The following FN1 variants were observed in gnomAD, a reference collection of about 807,000 sequenced individuals.
FN1 encodes fibronectin.
A neutral mutation model predicts 297.3 loss-of-function variants in FN1; 106 were observed. That is an observed-to-expected ratio of 0.36 (90% CI 0.30 to 0.42). The LOEUF (loss-of-function observed/expected upper bound fraction) is 0.42, where lower values mean the gene tolerates loss of function less well. FN1 is among the 10% of genes least tolerant of loss of function. The pLI is 1.00. For missense variants in FN1, 2,690 were observed against 3,124.9 expected (o/e 0.86, Z 3.32); for synonymous variants, 1,149 against 1,152.6 (o/e 1.00, Z 0.06).
Position 215,382,236 on chromosome 2 carries a change from G to A in FN1, c.5140C>T (p.Pro1714Ser). The change falls in exon 32 of 46, where the codon CCT becomes TCT. Residue 1714 changes from proline (P) to serine (S), a missense_variant. This residue lies in a region of FN1 where 1,743 missense variants were observed against 1,945.2 expected (regional missense o/e 0.90). Transcript: ENST00000354785. Reference protein sequence around the residue: ...YAQNPSGESQPLVQTAVTNID... With the variant: ...YAQNPSGESQSLVQTAVTNID... ...CTGGTTACTGCAGTCTGAACCAGAG[G>A]CTGACTCTCTCCGCTTGGATTCTGA... is the stretch of plus-strand genomic sequence containing the variant. 6.2e-7 allele frequency: 1 copy of A among 1,613,262 alleles called. No homozygotes were observed. The highest frequency in any genetic ancestry group is 8.5e-7 in the Non-Finnish European group (1 of 1,179,206).
At chr2:215,362,897 GAGTC>G (rs1459502444) in intron 44 of FN1, 4 of 152,452 alleles carry the variant, frequency 2.6e-5, no homozygotes, top group Non-Finnish European at 1.5e-5. Flanking sequence ...GAGCAAGAGG[GAGTC>G]CGGGCGCCAT....
intron 43 of FN1, among the ~76,000 whole-genome samples, chr2:215,365,289 G>T (rs2054303117): frequency 6.6e-6 from 1 of 152,102 alleles, no homozygotes; most frequent in African/African-American, 2.4e-5. Context: ...AAAATACTCA[G>T]GTTGGACAAG....
At chr2:215,362,348 C>A (rs186473709) in intron 44 of FN1, 257 of 459,822 alleles carry the variant, frequency 5.6e-4, no homozygotes, top group Non-Finnish European at 8.8e-4. Context: ...CCTTGCCCAT[C>A]TGCTGAGGCT....
At chr2:215,433,693 T>C (rs2066936706) in intron 2 of FN1, among the ~76,000 whole-genome samples, 1 of 152,230 alleles carries the variant, frequency 6.6e-6, no homozygotes, top group Admixed American at 6.5e-5. Flanking sequence ...TGTAGAAAAA[T>C]CTCAGGCTCT....
chr2:215,411,946 C>T (rs538606014), intron 13 of FN1, among the ~76,000 whole-genome samples: 2 of 152,198 alleles, frequency 1.3e-5, no homozygotes, highest in Non-Finnish European at 2.9e-5. Context: ...GGATTACAGG[C>T]GTGAGCCACT....
chr2:215,428,231 G>C lies in FN1; in HGVS notation c.793C>G (p.Arg265Gly), dbSNP rs778648309. The C allele has an allele frequency of 1.2e-6, 2 of 1,614,108 alleles. No homozygotes were observed. The highest frequency in any genetic ancestry group is 1.7e-5 in the Admixed American group (1 of 60,024). The change falls in exon 6 of 46, where the codon CGA becomes GGA. Residue 265 changes from arginine to glycine, a missense_variant. Transcript: ENST00000354785. ...TGCCTCTCACACTTCCACTCTCCTC[G>C]GCCGTTGCCTGTGCAGATGCACTGG... ...LLQCICTGNG[R>G]GEWKCERHTS... is the part of the protein sequence containing the mutation.
At chr2:215,424,421 G>A in intron 7 of FN1, 96 bp from the exon 8 acceptor site, 1 of 980,024 alleles carries the variant, frequency 1.0e-6, no homozygotes. Flanking sequence ...CTGAGCTTGT[G>A]CCCTCAAAGG....
chr2:215,428,483 A>G, intron 5 of FN1, 145 bp from the exon 6 acceptor site: 6 of 743,284 alleles, frequency 8.1e-6, no homozygotes, highest in Non-Finnish European at 1.4e-5. Flanking sequence ...AAGGTATTAC[A>G]CTTCTGAAAG....
rs749775069 is a variant in FN1, at chr2:215,422,188, C to T, written c.1449G>A (p.Gln483=). Residue 483 remains glutamine, a synonymous_variant, in exon 10 of 46, where the codon CAG becomes CAA. Coordinates refer to ENST00000354785, the MANE Select transcript of FN1 (RefSeq NM_212482.4). ...GACCCATGTCATGCTGCTTATCCCA[C>T]TGATCTCCAATGCGGTACATGACCC... ...NEGVMYRIGD[Q]WDKQHDMGHM... The T allele has an allele frequency of 6.8e-6, 11 of 1,614,176 alleles. No individual in the cohort carries two copies. The highest frequency in any genetic ancestry group is 6.8e-6 in the Non-Finnish European group (8 of 1,179,978).
In FN1 at chr2:215,407,171, G is replaced by A. The variant is rs1432220818; in HGVS notation, c.2669C>T (p.Thr890Ile). 1 of 1,614,132 alleles carries A rather than the reference G, an allele frequency of 6.2e-7. No homozygotes were observed. The highest frequency in any genetic ancestry group is 1.7e-5 in the Admixed American group (1 of 60,022). ...GGTTTCTTGTTGAATGACAACAGGT[G>A]TACTTTCTTGATTTTCTTCCACAGC... ...IYAVEENQES[T>I]PVVIQQETTG... is the part of the protein sequence containing the mutation. Residue 890 changes from threonine to isoleucine, a missense_variant, in exon 18 of 46, where the codon ACA becomes ATA. Thr to Ile is a moderately conservative substitution (Grantham distance 89). This residue lies in a region of FN1 where 71 missense variants were observed against 121.7 expected (regional missense o/e 0.58). Transcript: ENST00000354785.
chr2:215,377,510 T>C (rs2057515733), intron 35 of FN1, among the ~76,000 whole-genome samples: 1 of 151,910 alleles, frequency 6.6e-6, no homozygotes, highest in South Asian at 2.1e-4. Context: ...GCCACAGCCA[T>C]GTGATGTGCC....
intron 15 of FN1, among the ~76,000 whole-genome samples, chr2:215,408,684 C>T (rs1392654468): frequency 2.0e-5 from 3 of 152,134 alleles, no homozygotes; most frequent in Non-Finnish European, 4.4e-5. Context: ...TCTTCTGCCT[C>T]GGCCTCCCGA....
At chr2:215,392,772 T>G in intron 25 of FN1, 159 bp downstream of exon 25, 1 of 749,780 alleles carries the variant, frequency 1.3e-6, no homozygotes, top group South Asian at 1.6e-5. Context: ...TCCAATCAGT[T>G]TAGCAGATGC....
intron 18 of FN1, 26 bp downstream of exon 18, chr2:215,407,101 A>T: frequency 6.5e-7 from 1 of 1,549,110 alleles, no homozygotes; most frequent in Non-Finnish European, 8.9e-7. Flanking sequence ...AAGATAACAT[A>T]GGAAGTGTCT....
At chr2:215,424,380 G>C in intron 7 of FN1, 55 bp from the exon 8 acceptor site, 2 of 1,448,410 alleles carry the variant, frequency 1.4e-6, no homozygotes, top group Non-Finnish European at 1.9e-6. Context: ...TCTCCCACCA[G>C]CAGCTGCTTA....
At chr2:215,412,971 T>C (rs566295046) in intron 13 of FN1, among the ~76,000 whole-genome samples, 2 of 152,142 alleles carry the variant, frequency 1.3e-5, no homozygotes, top group Non-Finnish European at 2.9e-5. Flanking sequence ...TAGAAATACA[T>C]TCTTTTCAAT....
At chr2:215,364,627 A>T in intron 44 of FN1, 1 of 565,514 alleles carries the variant, frequency 1.8e-6, no homozygotes, top group Non-Finnish European at 3.2e-6. Flanking sequence ...ATGACTCAAG[A>T]CTTGTGTTTT....
At chr2:215,378,994 T>C (rs968614821) in intron 34 of FN1, 136 bp downstream of exon 34, 2 of 884,836 alleles carry the variant, frequency 2.3e-6, no homozygotes, top group Admixed American at 4.2e-5. Flanking sequence ...TCCGTTGATA[T>C]AAAATTACAA....
rs749447122 is a variant in FN1, at chr2:215,428,263, T to C, written c.761A>G (p.Asn254Ser). Reference protein sequence around the residue: ...DTWSKKDNRGNLLQCICTGNG... With the variant: ...DTWSKKDNRGSLLQCICTGNG... ...GCCTGTGCAGATGCACTGGAGCAGG[T>C]TTCCTCGATTATCCTTCTTGCTCCA... Residue 254 changes from asparagine to serine, a missense_variant, in exon 6 of 46, where the codon AAC becomes AGC. Physicochemically the swap from Asn to Ser is conservative, Grantham distance 46 (BLOSUM62 1). Coordinates refer to ENST00000354785, the MANE Select transcript of FN1 (RefSeq NM_212482.4). 6.2e-7 allele frequency: 1 copy of C among 1,614,036 alleles called. No homozygotes were observed. The highest frequency in any genetic ancestry group is 1.3e-5 in the African/African-American group (1 of 74,930).
Sources: allele counts gnomAD v4.1 joint callset (sites outside exome capture counted in the v4.1 genomes callset), GRCh38; gene constraint gnomAD v4.1.1; regional missense constraint gnomAD v4.1.1; transcripts MANE v1.5; gene names NCBI Gene and HGNC (gene_info 2026-07-23, HGNC 2026-07-21).